The following HS3ST4 variants were observed in gnomAD, a reference collection of about 807,000 sequenced individuals.
HS3ST4 encodes the protein heparan sulfate-glucosamine 3-sulfotransferase 4.
HS3ST4 carries 17 observed loss-of-function variants against 29.2 expected under a neutral mutation model. That is an observed-to-expected ratio of 0.58 (90% CI 0.40 to 0.87). The LOEUF (loss-of-function observed/expected upper bound fraction) is 0.87, where lower values mean the gene tolerates loss of function less well. Ranked by LOEUF, HS3ST4 falls within the 40% of genes least tolerant of loss-of-function variation. The pLI is 0.00. For synonymous variants in HS3ST4, 314 were observed against 285.7 expected, an observed-to-expected ratio of 1.10 and a Z score of -1.00; for missense variants, 627 against 634.5, an observed-to-expected ratio of 0.99 and a Z score of 0.13.
At chr16:26,051,451 A>T (rs370011702) in intron 1 of HS3ST4, among the ~76,000 whole-genome samples, 11 of 152,018 alleles carry the variant, frequency 7.2e-5, no homozygotes, top group African/African-American at 2.2e-4. Context: ...TTTTTTCACA[A>T]ATTGTCTCTT....
chr16:25,943,352 A>G (rs895044083), intron 1 of HS3ST4, among the ~76,000 whole-genome samples: 1 of 152,232 alleles, frequency 6.6e-6, no homozygotes, highest in African/African-American at 2.4e-5. Context: ...TGTTTATAAT[A>G]TCAGTGGTAA....
chr16:26,041,775 A>G (rs935231892), intron 1 of HS3ST4, among the ~76,000 whole-genome samples: 2 of 152,356 alleles, frequency 1.3e-5, no homozygotes, highest in African/African-American at 2.4e-5. Flanking sequence ...CTCTGAGCCA[A>G]TAGCACCCAA....
intron 1 of HS3ST4, among the ~76,000 whole-genome samples, chr16:25,901,806 G>A (rs1348402468): frequency 1.3e-5 from 2 of 151,828 alleles, no homozygotes; most frequent in Admixed American, 1.3e-4. Context: ...TCTTTTTCTT[G>A]TCCTCTCACC....
rs372111605 is a variant in HS3ST4, at chr16:26,136,880, CCA to C, written c.*647_*648del. On this transcript the variant is annotated 3_prime_UTR_variant, in exon 2 of 2. Coordinates refer to ENST00000331351, the MANE Select transcript of HS3ST4 (RefSeq NM_006040.3). ...ACTGAAAAAGAAAACACACACCCAC[CCA>C]CACACACACACACAGAAGAAAATGA... 217 of 151,504 alleles carry C rather than the reference CCA, an allele frequency of 1.4e-3. No individual in the cohort carries two copies. The highest frequency in any genetic ancestry group is 4.9e-3 in the African/African-American group (201 of 41,156). The allele number at this position is 151,504 out of a possible 1,614,324, so 9.4% of individuals were successfully genotyped here. A position where few individuals can be genotyped will look rare whatever the true frequency, so the allele number is the denominator to read the frequency against.
chr16:25,785,012 G>A (rs1000577150), intron 1 of HS3ST4, among the ~76,000 whole-genome samples: 2 of 152,132 alleles, frequency 1.3e-5, no homozygotes, highest in African/African-American at 2.4e-5. Flanking sequence ...AAATCCTAGG[G>A]CCCTTAAGAA....
intron 1 of HS3ST4, among the ~76,000 whole-genome samples, chr16:25,832,286 A>G (rs1967311957): frequency 1.3e-5 from 2 of 152,290 alleles, no homozygotes; most frequent in African/African-American, 4.8e-5. Context: ...TTATTAATCC[A>G]TAATAAAGAA....
chr16:25,910,297 C>G (rs949173845), intron 1 of HS3ST4, among the ~76,000 whole-genome samples: 3 of 152,142 alleles, frequency 2.0e-5, no homozygotes, highest in Non-Finnish European at 4.4e-5. Context: ...TGCAGCTGCT[C>G]AACTCCGATG....
chr16:25,907,779 C>G (rs778113605), intron 1 of HS3ST4, among the ~76,000 whole-genome samples: 2 of 152,240 alleles, frequency 1.3e-5, no homozygotes, highest in Non-Finnish European at 2.9e-5. Context: ...CCAAATCCAA[C>G]AGGCTTCATT....
intron 1 of HS3ST4, among the ~76,000 whole-genome samples, chr16:25,840,188 AT>A (rs1411069359): frequency 6.6e-6 from 1 of 152,234 alleles, no homozygotes; most frequent in Non-Finnish European, 1.5e-5. Flanking sequence ...GACAGTTCAG[AT>A]AAGGTTCCTG....
intron 1 of HS3ST4, among the ~76,000 whole-genome samples, chr16:26,069,673 A>G (rs1246099152): frequency 1.3e-5 from 2 of 151,342 alleles, no homozygotes; most frequent in Non-Finnish European, 2.9e-5. Flanking sequence ...TGTCATCTAC[A>G]TTAGGTATAT....
intron 1 of HS3ST4, among the ~76,000 whole-genome samples, chr16:25,948,387 G>A (rs1968650367): frequency 6.6e-6 from 1 of 152,074 alleles, no homozygotes; most frequent in Non-Finnish European, 1.5e-5. Context: ...TCTGGATGAA[G>A]GTTGTTGGCT....
At chr16:25,861,563 G>A (rs72780736) in intron 1 of HS3ST4, among the ~76,000 whole-genome samples, 3 of 151,836 alleles carry the variant, frequency 2.0e-5, no homozygotes, top group Admixed American at 6.6e-5. Context: ...TATGAAAAGC[G>A]CACCAAAAAG....
At chr16:25,994,418 T>G (rs1276932232) in intron 1 of HS3ST4, among the ~76,000 whole-genome samples, 2 of 152,200 alleles carry the variant, frequency 1.3e-5, no homozygotes, top group East Asian at 3.8e-4. Flanking sequence ...TTATATTGGC[T>G]ACATTTCCTA....
chr16:25,951,307 A>G (rs1006270430), intron 1 of HS3ST4, among the ~76,000 whole-genome samples: 2 of 152,208 alleles, frequency 1.3e-5, no homozygotes, highest in Non-Finnish European at 2.9e-5. Flanking sequence ...TCTTCTGCAG[A>G]ATGCACAGTG....
chr16:26,131,528 G>A (rs1393232990), intron 1 of HS3ST4, among the ~76,000 whole-genome samples: 1 of 152,172 alleles, frequency 6.6e-6, no homozygotes, highest in Non-Finnish European at 1.5e-5. Context: ...ATATTGAAGT[G>A]TCAGATGCAG....
chr16:26,081,152 T>C (rs984606031), intron 1 of HS3ST4, among the ~76,000 whole-genome samples: 11 of 152,196 alleles, frequency 7.2e-5, no homozygotes, highest in Admixed American at 3.9e-4. Flanking sequence ...CTGGACACTG[T>C]GGCGTTTTCC....
chr16:25,703,364 G>T (rs1196787979), intron 1 of HS3ST4, among the ~76,000 whole-genome samples: 5 of 152,164 alleles, frequency 3.3e-5, no homozygotes, highest in Admixed American at 1.3e-4. Context: ...TGTATCACGT[G>T]TGCCAGGCTT....
intron 1 of HS3ST4, among the ~76,000 whole-genome samples, chr16:26,041,445 G>C (rs1421830182): frequency 6.6e-6 from 1 of 151,990 alleles, no homozygotes; most frequent in Non-Finnish European, 1.5e-5. Context: ...TAGGCCAATC[G>C]ATTCAGAATC....
At chr16:25,749,286 G>A (rs1251750340) in intron 1 of HS3ST4, among the ~76,000 whole-genome samples, 1 of 152,118 alleles carries the variant, frequency 6.6e-6, no homozygotes, top group African/African-American at 2.4e-5. Flanking sequence ...TTGAGCCCAG[G>A]AGTTCAAGAC....
Sources: allele counts gnomAD v4.1 joint callset (sites outside exome capture counted in the v4.1 genomes callset), GRCh38; gene constraint gnomAD v4.1.1; transcripts MANE v1.5; gene names NCBI Gene and HGNC (gene_info 2026-07-23, HGNC 2026-07-21).